PPP4R2: variants seen among roughly 807,000 people sequenced by gnomAD.
PPP4R2 encodes protein phosphatase 4 regulatory subunit 2, also known as serine/threonine-protein phosphatase 4 regulatory subunit 2.
A neutral mutation model predicts 47.2 loss-of-function variants in PPP4R2; 13 were observed. The ratio of observed to expected loss-of-function variants is 0.28; its 90% CI spans 0.18 to 0.44. The LOEUF is 0.44. PPP4R2 is among the 20% of genes least tolerant of loss of function. The pLI, the probability that PPP4R2 is intolerant of heterozygous loss-of-function variation, is 1.00. For missense variants in PPP4R2, 421 were observed against 491.2 expected (o/e 0.86, Z 1.35); for synonymous variants, 151 against 163.3 (o/e 0.92, Z 0.57).
chr3:73,062,591 T>TA, intron 5 of PPP4R2: 1 of 1,614,002 alleles, frequency 6.2e-7, no homozygotes, highest in East Asian at 2.2e-5. Flanking sequence ...GATTCAAAGA[T>TA]ATGCCTAACT....
intron 1 of PPP4R2, 38 bp downstream of exon 1, chr3:72,997,109 T>C: frequency 7.6e-7 from 1 of 1,323,018 alleles, no homozygotes; most frequent in Non-Finnish European, 9.8e-7. Flanking sequence ...CCCCTCACCT[T>C]CTCCGGCTCG....
chr3:73,013,827 G>C lies in PPP4R2; in HGVS notation c.116+15669G>C, dbSNP rs569021423. The stretch of plus-strand genomic sequence containing the variant: ...CTAATTTTTTTGTATTTTTAGTAGA[G>C]ACAGGGTTTTGCCATGTTGGCCAGG... On this transcript the variant is annotated intron_variant, in intron 2 of 8. Coordinates refer to ENST00000356692, the MANE Select transcript of PPP4R2 (RefSeq NM_174907.4). Among the ~76,000 whole-genome samples the C allele has an allele frequency of 2.8e-3, 431 of 152,224 alleles. 1 individual carries two copies. Among genetic ancestry groups the C allele is most frequent in the African/African-American group, 9.8e-3 (408 of 41,530 alleles).
At chr3:73,062,244 TCA>T (rs765622524) in intron 5 of PPP4R2, 1 of 1,599,016 alleles carries the variant, frequency 6.3e-7, no homozygotes. Flanking sequence ...AAGAAAGGAC[TCA>T]CAGCCCAGCA....
chr3:73,055,326 A>G (rs1378771111), intron 3 of PPP4R2, among the ~76,000 whole-genome samples: 2 of 151,990 alleles, frequency 1.3e-5, no homozygotes, highest in African/African-American at 4.8e-5. Context: ...TTTGAAGTGT[A>G]CTTGTAGAAC....
At chr3:73,062,738 T>C in intron 5 of PPP4R2, 1 of 1,614,020 alleles carries the variant, frequency 6.2e-7, no homozygotes, top group African/African-American at 1.3e-5. Flanking sequence ...TGGCATCTAT[T>C]GGAAGACTTT....
chr3:72,999,822 T>C lies in PPP4R2; in HGVS notation c.116+1664T>C, dbSNP rs544014540. ...TTTGTACTGAAATGATTGGTGTAGT[T>C]AGATTCTTATATTCAATGGAATTTG... On this transcript the variant is annotated intron_variant, in intron 2 of 8. Coordinates refer to ENST00000356692, the MANE Select transcript of PPP4R2 (RefSeq NM_174907.4). Among the ~76,000 whole-genome samples the C allele has an allele frequency of 7.9e-5, 12 of 152,330 alleles. No homozygotes were observed. The South Asian group carries it at 2.5e-3, about 32-fold the overall frequency.
intron 2 of PPP4R2, among the ~76,000 whole-genome samples, chr3:73,013,719 G>T (rs1005238271): frequency 4.0e-5 from 6 of 151,684 alleles, no homozygotes; most frequent in South Asian, 2.1e-4. Flanking sequence ...GCTCACTGCA[G>T]CCTCCACCTC....
At chr3:73,034,807 A>G (rs1297922641) in intron 2 of PPP4R2, among the ~76,000 whole-genome samples, 2 of 151,950 alleles carry the variant, frequency 1.3e-5, no homozygotes, top group Non-Finnish European at 2.9e-5. Context: ...TGTTGGGGTT[A>G]CAGGCATTGG....
chr3:73,062,615 G>A, intron 5 of PPP4R2: 1 of 1,614,008 alleles, frequency 6.2e-7, no homozygotes. Flanking sequence ...TTGCCCTTGA[G>A]AAGTCATCAG....
intron 2 of PPP4R2, among the ~76,000 whole-genome samples, chr3:73,000,232 G>T (rs1163164217): frequency 1.3e-5 from 2 of 152,166 alleles, no homozygotes; most frequent in Non-Finnish European, 2.9e-5. Context: ...TTCTCCAGAG[G>T]CTGAGGCAGA....
At chr3:73,051,782 C>A (rs941112162) in intron 3 of PPP4R2, among the ~76,000 whole-genome samples, 2 of 152,126 alleles carry the variant, frequency 1.3e-5, no homozygotes, top group Non-Finnish European at 2.9e-5. Context: ...CCCGCCACCA[C>A]GCCCGGCTAA....
At chr3:73,020,231 C>T (rs896052255) in intron 2 of PPP4R2, among the ~76,000 whole-genome samples, 1 of 152,110 alleles carries the variant, frequency 6.6e-6, no homozygotes, top group South Asian at 2.1e-4. Context: ...GGTCTTGTTC[C>T]ATCACCCAGG....
chr3:73,062,674 G>T lies in PPP4R2; in HGVS notation c.420-999G>T, dbSNP rs571522110. On this transcript the variant is annotated intron_variant, in intron 5 of 8. Coordinates refer to ENST00000356692, the MANE Select transcript of PPP4R2 (RefSeq NM_174907.4). ...TTGATAGGCATTGCGGCTGGATCAA[G>T]TGATAAGATTTGCACCAGCAGTCTC... The T allele has an allele frequency of 5.0e-6, 8 of 1,613,860 alleles. No individual in the cohort carries two copies. The East Asian group carries it at 1.1e-4, about 22-fold the overall frequency.
chr3:73,010,380 T>C (rs1010435283), intron 2 of PPP4R2, among the ~76,000 whole-genome samples: 1 of 152,072 alleles, frequency 6.6e-6, no homozygotes, highest in Non-Finnish European at 1.5e-5. Context: ...TGTGCCACCA[T>C]GCCTGGCTAG....
rs1281518580 is a variant in PPP4R2 at position 73,065,911 on chromosome 3, GCTTAC to G, written c.*196_*200del. On this transcript the variant is annotated 3_prime_UTR_variant, in exon 9 of 9. Transcript: ENST00000356692. ...GTGAATATCAGCTCCTCTGGGTCCT[GCTTAC>G]CTTACCGCTGACTTTTCTTTCTTTC... is the stretch of plus-strand genomic sequence containing the variant. 1.2e-4 allele frequency: 48 copies of G among 385,754 alleles called. No homozygotes were observed. The Middle Eastern group carries it at 4.4e-3, about 36-fold the overall frequency. The allele number at this position is 385,754 out of a possible 1,614,324, so 23.9% of individuals were successfully genotyped here.
At chr3:73,005,534 CTTT>C (rs1177974373) in intron 2 of PPP4R2, among the ~76,000 whole-genome samples, 1 of 151,812 alleles carries the variant, frequency 6.6e-6, no homozygotes, top group Non-Finnish European at 1.5e-5. Flanking sequence ...TTGAATTCTT[CTTT>C]TGAGTCCTTT....
intron 3 of PPP4R2, among the ~76,000 whole-genome samples, chr3:73,055,078 A>C (rs1054999612): frequency 6.6e-6 from 1 of 152,172 alleles, no homozygotes; most frequent in Non-Finnish European, 1.5e-5. Flanking sequence ...GTGTGGTCCT[A>C]TTAATTAGGG....
At chr3:73,015,378 T>C (rs567185093) in intron 2 of PPP4R2, among the ~76,000 whole-genome samples, 96 of 152,202 alleles carry the variant, frequency 6.3e-4, no homozygotes, top group African/African-American at 2.2e-3. Flanking sequence ...GGTTTTGCCA[T>C]GTTGGCCATG....
chr3:73,058,926 G>T, intron 3 of PPP4R2, 111 bp from the exon 4 acceptor site: 2 of 603,116 alleles, frequency 3.3e-6, no homozygotes, highest in Non-Finnish European at 2.8e-6. Flanking sequence ...ATTTTCTTTT[G>T]TAGCTTAATA....
Sources: gnomAD v4.1 joint callset for allele counts (sites outside exome capture counted in the v4.1 genomes callset) on GRCh38, gnomAD v4.1.1 for gene constraint, MANE v1.5 for transcripts, NCBI Gene and HGNC (gene_info 2026-07-23, HGNC 2026-07-21) for gene names.